Variants in TENM4 observed in about 807,000 individuals in gnomAD.
The protein encoded by TENM4 is teneurin-4.
TENM4 carries 82 observed loss-of-function variants against 243.3 expected under a neutral mutation model. That is an observed-to-expected ratio of 0.34 (90% CI 0.28 to 0.40). TENM4 has a LOEUF of 0.40. TENM4 is among the 10% of genes least tolerant of loss of function. The pLI, the probability that TENM4 is intolerant of heterozygous loss-of-function variation, is 1.00. For synonymous variants in TENM4, 1,412 were observed against 1,456.3 expected (o/e 0.97, Z 0.69); for missense variants, 3,138 against 3,673.3 (o/e 0.85, Z 3.77).
At chr11:79,018,708 T>G (rs1419759645) in intron 6 of TENM4, among the ~76,000 whole-genome samples, 20 of 152,190 alleles carry the variant, frequency 1.3e-4, no homozygotes, top group Admixed American at 1.3e-3. Flanking sequence ...GTTTAATATG[T>G]GCATTGTGAT....
At chr11:79,041,494 C>CAAA (rs34771137) in intron 6 of TENM4, among the ~76,000 whole-genome samples, 8,794 of 140,010 alleles carry the variant, frequency 0.063, 412 homozygotes, top group Admixed American at 0.099. Context: ...TGGAGGCACT[C>CAAA]AAAAAAAAAA....
At chr11:78,690,704 G>T (rs1052734019) in intron 28 of TENM4, among the ~76,000 whole-genome samples, 1 of 152,070 alleles carries the variant, frequency 6.6e-6, no homozygotes, top group African/African-American at 2.4e-5. Flanking sequence ...CCCAAAACTG[G>T]TTTTGCCCTG....
intron 1 of TENM4, among the ~76,000 whole-genome samples, chr11:79,348,719 A>G (rs1857369267): frequency 6.6e-6 from 1 of 152,064 alleles, no homozygotes; most frequent in African/African-American, 2.4e-5. Context: ...TGGACTTCCA[A>G]CCTCCAAAAC....
At position 78,729,673 on chromosome 11, in the gene TENM4, G is replaced by A. The variant is rs753988893; in HGVS notation, c.3139-30C>T. The stretch of plus-strand genomic sequence containing the variant: ...AAAGCAGAGGCAGATCACAGCAAGG[G>A]ACGGTCGTCGACTCACCGAGTGGAG... On this transcript the variant is annotated intron_variant, in intron 21 of 33. Coordinates refer to ENST00000278550, the MANE Select transcript of TENM4 (RefSeq NM_001098816.3). 3.2e-6 allele frequency: 5 copies of A among 1,569,096 alleles called. No individual in the cohort carries two copies. In the Admixed American group the frequency reaches 5.3e-5, roughly 17 times the overall value.
At chr11:78,659,663 C>T (rs1857983009) in intron 33 of TENM4, among the ~76,000 whole-genome samples, 1 of 152,188 alleles carries the variant, frequency 6.6e-6, no homozygotes, top group Non-Finnish European at 1.5e-5. Context: ...CACTGCTCTC[C>T]ACTGCATTTA....
At chr11:79,009,703 G>A (rs752781183) in intron 6 of TENM4, among the ~76,000 whole-genome samples, 2 of 152,174 alleles carry the variant, frequency 1.3e-5, no homozygotes, top group Non-Finnish European at 2.9e-5. Flanking sequence ...GGCTCAGAGA[G>A]GGCAGGGACT....
intron 12 of TENM4, among the ~76,000 whole-genome samples, chr11:78,840,063 G>A (rs1388597011): frequency 6.6e-6 from 1 of 152,178 alleles, no homozygotes; most frequent in Non-Finnish European, 1.5e-5. Flanking sequence ...TGTGCTTAGG[G>A]TAATATTTGG....
chr11:78,988,575 C>T (rs1236780316), intron 6 of TENM4, among the ~76,000 whole-genome samples: 3 of 152,212 alleles, frequency 2.0e-5, no homozygotes, highest in Admixed American at 6.5e-5. Flanking sequence ...AATCACAAGA[C>T]CAATAATCTG....
chr11:79,349,899 G>C (rs1183192803), intron 1 of TENM4, among the ~76,000 whole-genome samples: 2 of 152,200 alleles, frequency 1.3e-5, no homozygotes, highest in African/African-American at 4.8e-5. Flanking sequence ...CTCTATCCCA[G>C]CCTGTGATAA....
chr11:78,787,278 G>A (rs936192214), intron 15 of TENM4, among the ~76,000 whole-genome samples, 195 bp from the exon 16 acceptor site: 6 of 152,184 alleles, frequency 3.9e-5, no homozygotes, highest in African/African-American at 7.2e-5. Context: ...ACTAATCTCC[G>A]TGGACAATGA....
At chr11:78,675,505 C>G (rs571740604) in intron 30 of TENM4, among the ~76,000 whole-genome samples, 1 of 152,166 alleles carries the variant, frequency 6.6e-6, no homozygotes, top group African/African-American at 2.4e-5. Flanking sequence ...GCTGGGCACT[C>G]AGGCCCTGGC....
intron 18 of TENM4, among the ~76,000 whole-genome samples, chr11:78,769,962 G>T (rs1856613973): frequency 6.6e-6 from 1 of 152,174 alleles, no homozygotes; most frequent in Non-Finnish European, 1.5e-5. Context: ...ATTCCCAAAG[G>T]TTAGGATGCT....
chr11:79,263,201 T>G (rs890409259), intron 2 of TENM4, among the ~76,000 whole-genome samples: 2 of 152,232 alleles, frequency 1.3e-5, no homozygotes, highest in Non-Finnish European at 2.9e-5. Context: ...AGTGCAAAGC[T>G]GTCCACAACT....
intron 2 of TENM4, among the ~76,000 whole-genome samples, chr11:79,253,072 C>T (rs1380133514): frequency 6.6e-6 from 1 of 152,222 alleles, no homozygotes; most frequent in Non-Finnish European, 1.5e-5. Context: ...AGGAATGCAA[C>T]TTACCCAGTG....
chr11:78,713,785 G>A (rs1352177431), intron 25 of TENM4, among the ~76,000 whole-genome samples: 2 of 152,122 alleles, frequency 1.3e-5, no homozygotes, highest in Admixed American at 1.3e-4. Context: ...TGACTACGTA[G>A]TAGATATCTC....
intron 28 of TENM4, among the ~76,000 whole-genome samples, chr11:78,697,758 G>A (rs535166242): frequency 6.6e-4 from 101 of 152,202 alleles, no homozygotes; most frequent in Non-Finnish European, 9.7e-4. Context: ...ACAGGGCACT[G>A]TGGGAGGCCA....
At chr11:78,833,732 C>G (rs1412135176) in intron 12 of TENM4, among the ~76,000 whole-genome samples, 1 of 152,178 alleles carries the variant, frequency 6.6e-6, no homozygotes, top group Non-Finnish European at 1.5e-5. Context: ...CAGCTGCTGT[C>G]TGAGAAAAGG....
intron 1 of TENM4, among the ~76,000 whole-genome samples, chr11:79,322,496 C>T (rs923611130): frequency 6.6e-6 from 1 of 152,140 alleles, no homozygotes; most frequent in African/African-American, 2.4e-5. Context: ...TGTCACTGTT[C>T]TTAGTTATTT....
At chr11:79,221,105 T>G (rs1864146153) in intron 2 of TENM4, 1 of 152,092 alleles carries the variant, frequency 6.6e-6, no homozygotes, top group Admixed American at 6.5e-5. Context: ...GGTGGAGAGA[T>G]CCAGAGTTCA....
Sources: allele counts gnomAD v4.1 joint callset (sites outside exome capture counted in the v4.1 genomes callset), GRCh38; gene constraint gnomAD v4.1.1; transcripts MANE v1.5; gene names NCBI Gene and HGNC (gene_info 2026-07-23, HGNC 2026-07-21).